Variants in ATOSA observed in about 807,000 individuals in gnomAD.
The protein encoded by ATOSA is atos homolog protein A.
At chr15:52,665,622 G>C in the ATOSA span, among the ~76,000 whole-genome samples, 1 of 151,870 alleles carries the variant, frequency 6.6e-6, no homozygotes, top group Non-Finnish European at 1.5e-5. Flanking sequence ...CTTTGATCAA[G>C]TAATTCTACT....
the ATOSA span, among the ~76,000 whole-genome samples, chr15:52,694,681 A>C: frequency 6.6e-6 from 1 of 152,030 alleles, no homozygotes; most frequent in Admixed American, 6.6e-5. Context: ...AAAAATACTC[A>C]TGAAAATTTG....
chr15:52,705,745 A>G, the ATOSA span, among the ~76,000 whole-genome samples: 1 of 152,150 alleles, frequency 6.6e-6, no homozygotes, highest in South Asian at 2.1e-4. Flanking sequence ...AATAGCACCA[A>G]CACCCCCAGC....
the ATOSA span, chr15:52,611,238 A>G: frequency 5.0e-6 from 8 of 1,613,500 alleles, no homozygotes; most frequent in East Asian, 2.2e-5. Flanking sequence ...CTTCTCTTCA[A>G]TAAATCGGTC....
At chr15:52,681,557 C>CT in the ATOSA span, among the ~76,000 whole-genome samples, 3 of 152,184 alleles carry the variant, frequency 2.0e-5, no homozygotes, top group African/African-American at 7.2e-5. Flanking sequence ...GCAATTCACT[C>CT]TAAGGTGCTC....
chr15:52,646,429 A>C, the ATOSA span, among the ~76,000 whole-genome samples: 1 of 152,200 alleles, frequency 6.6e-6, no homozygotes, highest in Non-Finnish European at 1.5e-5. Flanking sequence ...CTCTAATCTC[A>C]GTCTACAACT....
At chr15:52,648,298 A>G in the ATOSA span, among the ~76,000 whole-genome samples, 1 of 152,182 alleles carries the variant, frequency 6.6e-6, no homozygotes, top group Admixed American at 6.5e-5. Context: ...ATAATAAATT[A>G]TACAGGCAAT....
At chr15:52,674,943 C>T in the ATOSA span, among the ~76,000 whole-genome samples, 1 of 151,722 alleles carries the variant, frequency 6.6e-6, no homozygotes, top group South Asian at 2.1e-4. Context: ...CTGCTATGTG[C>T]CAAGCACGGT....
the ATOSA span, among the ~76,000 whole-genome samples, chr15:52,685,308 G>A: frequency 6.6e-6 from 1 of 152,116 alleles, no homozygotes; most frequent in Non-Finnish European, 1.5e-5. Context: ...CAAGGGTTCA[G>A]TGCACCCTAA....
the ATOSA span, chr15:52,608,540 TA>T: frequency 1.3e-6 from 2 of 1,522,098 alleles, no homozygotes; most frequent in Non-Finnish European, 1.7e-6. Context: ...ATTTGAGACT[TA>T]CATTTGACAT....
At chr15:52,659,675 G>C in the ATOSA span, among the ~76,000 whole-genome samples, 1 of 152,140 alleles carries the variant, frequency 6.6e-6, no homozygotes, top group South Asian at 2.1e-4. Context: ...AGCTATCTAA[G>C]TACAGAATGA....
the ATOSA span, among the ~76,000 whole-genome samples, chr15:52,596,587 C>T: frequency 2.6e-3 from 390 of 152,288 alleles, 2 homozygotes; most frequent in African/African-American, 8.8e-3. Context: ...GTGGTTCTCA[C>T]CCAGGGGATA....
At chr15:52,707,234 T>C in the ATOSA span, among the ~76,000 whole-genome samples, 1 of 152,160 alleles carries the variant, frequency 6.6e-6, no homozygotes, top group Non-Finnish European at 1.5e-5. Flanking sequence ...GAGCAGGGTA[T>C]TTACACGGTC....
At chr15:52,675,172 C>T in the ATOSA span, among the ~76,000 whole-genome samples, 5 of 152,128 alleles carry the variant, frequency 3.3e-5, no homozygotes, top group Non-Finnish European at 7.4e-5. Flanking sequence ...TTTTACAGTA[C>T]AGTAAAATAC....
At chr15:52,611,794 A>G in the ATOSA span, 1 of 1,611,696 alleles carries the variant, frequency 6.2e-7, no homozygotes, top group Non-Finnish European at 8.5e-7. Context: ...GAAAATGAAT[A>G]TAAGCAAAAT....
chr15:52,678,740 G>A, the ATOSA span: 29 of 153,286 alleles, frequency 1.9e-4, 1 homozygote, highest in East Asian at 5.4e-3. Context: ...GGCTCCGGGG[G>A]AGGTGTTTAC....
chr15:52,602,330 C>T, the ATOSA span, among the ~76,000 whole-genome samples: 1 of 152,140 alleles, frequency 6.6e-6, no homozygotes, highest in African/African-American at 2.4e-5. Context: ...ATCTATCTCC[C>T]AGAATACTTT....
At chr15:52,694,817 AT>A in the ATOSA span, among the ~76,000 whole-genome samples, 1 of 152,156 alleles carries the variant, frequency 6.6e-6, no homozygotes, top group African/African-American at 2.4e-5. Context: ...TACTAAAAAA[AT>A]CTATTATACC....
At chr15:52,592,617 G>A in the ATOSA span, among the ~76,000 whole-genome samples, 1 of 152,070 alleles carries the variant, frequency 6.6e-6, no homozygotes, top group East Asian at 1.9e-4. Flanking sequence ...GAATTGTCTT[G>A]GGCCACACAT....
At chr15:52,609,201 ATTATTT>A in the ATOSA span, 2 of 1,612,214 alleles carry the variant, frequency 1.2e-6, no homozygotes, top group African/African-American at 2.7e-5. Flanking sequence ...TTTCTTTACT[ATTATTT>A]TTAAAAGAAG....
Sources: gnomAD v4.1 joint callset for allele counts (sites outside exome capture counted in the v4.1 genomes callset) on GRCh38, gnomAD v4.1.1 for gene constraint, MANE v1.5 for transcripts, NCBI Gene and HGNC (gene_info 2026-07-23, HGNC 2026-07-21) for gene names.